FCHSD2: variants seen among roughly 807,000 people sequenced by gnomAD.
The protein encoded by FCHSD2 is F-BAR and double SH3 domains protein 2.
Under a neutral mutation model 108.1 loss-of-function variants are expected in FCHSD2, and 38 were observed. The observed-to-expected ratio is 0.35, with a 90% CI of 0.27 to 0.46. The LOEUF is 0.46. Among genes scored for constraint, FCHSD2 ranks in the 20% least tolerant of loss-of-function variants. The probability of loss-of-function intolerance (pLI) is 1.00; values close to 1 mark genes in which losing one functional copy is unlikely to be tolerated. For missense variants in FCHSD2, 751 were observed against 897.8 expected, an observed-to-expected ratio of 0.84 and a Z score of 2.09; for synonymous variants, 279 against 314.7, an observed-to-expected ratio of 0.89 and a Z score of 1.20.
intron 2 of FCHSD2, among the ~76,000 whole-genome samples, chr11:73,122,549 C>T (rs1334196111): frequency 6.6e-6 from 1 of 152,084 alleles, no homozygotes; most frequent in Non-Finnish European, 1.5e-5. Context: ...AGATGCATGG[C>T]TAAGGAATAG....
intron 2 of FCHSD2, among the ~76,000 whole-genome samples, chr11:73,114,079 T>A (rs897947256): frequency 1.3e-5 from 2 of 151,004 alleles, no homozygotes; most frequent in African/African-American, 2.4e-5. Context: ...GGTACTGGAG[T>A]CAAAAACCTT....
At chr11:73,091,246 G>T (rs1859949966) in intron 2 of FCHSD2, among the ~76,000 whole-genome samples, 1 of 152,126 alleles carries the variant, frequency 6.6e-6, no homozygotes, top group African/African-American at 2.4e-5. Flanking sequence ...TGTATGTAAA[G>T]ACACGTTTTA....
intron 10 of FCHSD2, among the ~76,000 whole-genome samples, chr11:72,897,112 C>T (rs913740816): frequency 4.6e-5 from 7 of 151,850 alleles, no homozygotes; most frequent in African/African-American, 1.4e-4. Flanking sequence ...GGATTACAGG[C>T]GTGAGCCACC....
chr11:72,844,349 GA>G (rs1229362021), intron 14 of FCHSD2, among the ~76,000 whole-genome samples: 2 of 152,076 alleles, frequency 1.3e-5, no homozygotes, highest in Non-Finnish European at 2.9e-5. Context: ...GTGGCCAAAA[GA>G]AAAAAATTGT....
intron 3 of FCHSD2, among the ~76,000 whole-genome samples, chr11:73,070,487 G>A (rs1461920258): frequency 2.0e-5 from 3 of 151,970 alleles, no homozygotes; most frequent in East Asian, 1.9e-4. Flanking sequence ...GCAGTGGCAC[G>A]ACCTTGGCTC....
intron 13 of FCHSD2, among the ~76,000 whole-genome samples, chr11:72,866,137 T>C (rs1321401533): frequency 6.6e-6 from 1 of 152,200 alleles, no homozygotes; most frequent in African/African-American, 2.4e-5. Flanking sequence ...CCAAATCAAG[T>C]GGGCCTGGAA....
intron 13 of FCHSD2, among the ~76,000 whole-genome samples, chr11:72,854,482 A>G (rs1216284518): frequency 6.6e-6 from 1 of 152,222 alleles, no homozygotes; most frequent in African/African-American, 2.4e-5. Context: ...CCCAAGCTGG[A>G]GTGCAATGGT....
intron 2 of FCHSD2, among the ~76,000 whole-genome samples, chr11:73,128,029 A>AT (rs1860900413): frequency 6.6e-6 from 1 of 151,054 alleles, no homozygotes; most frequent in Non-Finnish European, 1.5e-5. Context: ...AAAAAAAAAA[A>AT]GGTTCACTGA....
intron 3 of FCHSD2, among the ~76,000 whole-genome samples, chr11:73,065,960 A>G (rs1325044603): frequency 6.6e-6 from 1 of 152,190 alleles, no homozygotes; most frequent in Admixed American, 6.5e-5. Context: ...TGCTATCCCC[A>G]TCAAGCTACC....
chr11:73,071,789 C>A (rs1436458415), intron 3 of FCHSD2, among the ~76,000 whole-genome samples: 3 of 151,942 alleles, frequency 2.0e-5, no homozygotes, highest in Non-Finnish European at 2.9e-5. Context: ...GTCTTGGTGT[C>A]CACAATTATA....
chr11:73,083,492 T>C (rs932002910), intron 3 of FCHSD2, among the ~76,000 whole-genome samples: 1 of 150,464 alleles, frequency 6.6e-6, no homozygotes, highest in African/African-American at 2.5e-5. Flanking sequence ...GAGGTTGCAG[T>C]GAGCCAAGAT....
At chr11:72,907,586 G>A (rs945648416) in intron 9 of FCHSD2, among the ~76,000 whole-genome samples, 1 of 142,312 alleles carries the variant, frequency 7.0e-6, no homozygotes, top group African/African-American at 2.6e-5. Context: ...CATCTATTGA[G>A]ATAATCACGT....
At chr11:72,948,601 G>A (rs1856563970) in intron 8 of FCHSD2, among the ~76,000 whole-genome samples, 1 of 151,632 alleles carries the variant, frequency 6.6e-6, no homozygotes. Flanking sequence ...GAATATGAGT[G>A]TATTAACAAA....
At chr11:73,023,458 T>C (rs1858154608) in intron 3 of FCHSD2, among the ~76,000 whole-genome samples, 1 of 152,178 alleles carries the variant, frequency 6.6e-6, no homozygotes, top group Non-Finnish European at 1.5e-5. Context: ...CACTTGTCAT[T>C]ACGGAAATGC....
intron 3 of FCHSD2, among the ~76,000 whole-genome samples, chr11:73,049,476 C>T (rs2135473524): frequency 7.1e-6 from 1 of 140,706 alleles, no homozygotes; most frequent in African/African-American, 2.7e-5. Flanking sequence ...GGGATGTAGA[C>T]TACTAGAAAG....
chr11:72,848,612 C>G (rs1861208410), intron 14 of FCHSD2, among the ~76,000 whole-genome samples: 1 of 152,176 alleles, frequency 6.6e-6, no homozygotes, highest in African/African-American at 2.4e-5. Context: ...CCCAGTGTAT[C>G]ACATATTGGG....
chr11:73,112,049 A>G (rs1860498908), intron 2 of FCHSD2, among the ~76,000 whole-genome samples: 1 of 152,172 alleles, frequency 6.6e-6, no homozygotes, highest in Non-Finnish European at 1.5e-5. Context: ...CAGTGTTATA[A>G]AATTGTTTTT....
At chr11:72,867,114 T>G (rs1854744761) in intron 13 of FCHSD2, among the ~76,000 whole-genome samples, 1 of 152,212 alleles carries the variant, frequency 6.6e-6, no homozygotes. Context: ...AAGTTCAAAC[T>G]GTAATAAATA....
chr11:72,951,817 C>T (rs1032544442), intron 8 of FCHSD2, among the ~76,000 whole-genome samples: 8 of 152,128 alleles, frequency 5.3e-5, no homozygotes, highest in African/African-American at 1.9e-4. Flanking sequence ...TTCTTAATAT[C>T]TAACTGAGAT....
Sources: gnomAD v4.1 joint callset for allele counts (sites outside exome capture counted in the v4.1 genomes callset) on GRCh38, gnomAD v4.1.1 for gene constraint, MANE v1.5 for transcripts, NCBI Gene and HGNC (gene_info 2026-07-23, HGNC 2026-07-21) for gene names.